The following ZDHHC15 variants were observed in gnomAD, a reference collection of about 807,000 sequenced individuals.
The protein encoded by ZDHHC15 is palmitoyltransferase ZDHHC15.
In ZDHHC15, 19 loss-of-function variants were observed where a neutral mutation model predicts 31.7. That is an observed-to-expected ratio of 0.60 (90% CI 0.42 to 0.88). The LOEUF is 0.88. Ranked by LOEUF, ZDHHC15 falls within the 40% of genes least tolerant of loss-of-function variation. The pLI is 0.00. For synonymous variants in ZDHHC15, 103 were observed against 90.0 expected (o/e 1.14, Z -0.82); for missense variants, 209 against 251.2 (o/e 0.83, Z 1.14).
chrX:75,473,890 C>T (rs1424834314), intron 3 of ZDHHC15, among the ~76,000 whole-genome samples: 3 of 111,852 alleles, frequency 2.7e-5, no homozygotes, highest in Non-Finnish European at 5.6e-5. Context: ...GTATTGTTAA[C>T]TTTATGTAAT....
chrX:75,375,771 C>A (rs1216739157), intron 11 of ZDHHC15, among the ~76,000 whole-genome samples: 2 of 112,052 alleles, frequency 1.8e-5, no homozygotes, highest in African/African-American at 6.5e-5. Context: ...TAGTATCCAT[C>A]ATATACATGT....
chrX:75,446,778 C>T (rs1445508478), intron 4 of ZDHHC15, among the ~76,000 whole-genome samples: 1 of 111,199 alleles, frequency 9.0e-6, no homozygotes, highest in Admixed American at 9.6e-5. Context: ...GGCAAAGCAG[C>T]TCTCTGGAGC....
At chrX:75,386,608 T>C (rs1014496660) in intron 10 of ZDHHC15, among the ~76,000 whole-genome samples, 2 of 110,191 alleles carry the variant, frequency 1.8e-5, no homozygotes, top group South Asian at 8.0e-4. Context: ...CCTGAGTAGC[T>C]GGGACTACAG....
At chrX:75,445,880 A>G (rs2084026697) in intron 4 of ZDHHC15, among the ~76,000 whole-genome samples, 1 of 111,295 alleles carries the variant, frequency 9.0e-6, no homozygotes, top group Non-Finnish European at 1.9e-5. Context: ...TGCCCATGGT[A>G]TTGGCCTCTC....
intron 3 of ZDHHC15, among the ~76,000 whole-genome samples, chrX:75,467,187 G>A (rs1347715735): frequency 1.8e-5 from 2 of 112,550 alleles, no homozygotes; most frequent in Admixed American, 1.9e-4. Flanking sequence ...TACCAGTTAA[G>A]ACAAAATTAT....
Position 75,379,270 on chromosome X carries a change from G to A in ZDHHC15, c.968-72C>T. On this transcript the variant is annotated intron_variant, in intron 10 of 11. Coordinates refer to ENST00000373367, the MANE Select transcript of ZDHHC15 (RefSeq NM_144969.3). ...ATGGGTGGGTATTCATTCACTGGCA[G>A]TTTTCCTTCTTGTTCAATCTCTGCA... 3 of 1,102,544 alleles carry A rather than the reference G, an allele frequency of 2.7e-6. No individual in the cohort carries two copies. The South Asian group carries it at 5.6e-5, about 21-fold the overall frequency. 90.9% of individuals were successfully genotyped at this position (1,102,544 alleles called of 1,213,427 possible).
At position 75,369,684 on chromosome X, in the gene ZDHHC15, G is replaced by A. The variant is rs1208016159; in HGVS notation, c.*3294C>T. The A allele has an allele frequency of 8.9e-6, 1 of 111,740 alleles. No individual in the cohort carries two copies. The highest frequency in any genetic ancestry group is 1.9e-5 in the Non-Finnish European group (1 of 53,197). 9.2% of individuals were successfully genotyped at this position (111,740 alleles called of 1,213,427 possible). A position where few individuals can be genotyped will look rare whatever the true frequency, so the allele number is the denominator to read the frequency against. ...GAAAAATATGTGTCACATGGGGCTA[G>A]TAGGGGAAAGAGGCACATATTGCAT... On this transcript the variant is annotated 3_prime_UTR_variant, in exon 12 of 12. Transcript: ENST00000373367.
intron 2 of ZDHHC15, among the ~76,000 whole-genome samples, chrX:75,491,565 T>G (rs1204518955): frequency 1.8e-5 from 2 of 109,040 alleles, no homozygotes; most frequent in Admixed American, 2.0e-4. Context: ...GCATGGCACA[T>G]GTATACATAT....
intron 9 of ZDHHC15, among the ~76,000 whole-genome samples, chrX:75,417,466 G>A (rs1602591269): frequency 1.8e-5 from 2 of 111,882 alleles, no homozygotes; most frequent in Middle Eastern, 9.3e-3. Flanking sequence ...TGCACACACA[G>A]CAAGCTTCAT....
At chrX:75,419,108 C>A (rs1405545054) in intron 9 of ZDHHC15, among the ~76,000 whole-genome samples, 1 of 111,372 alleles carries the variant, frequency 9.0e-6, no homozygotes, top group Non-Finnish European at 1.9e-5. Flanking sequence ...AACATATTTA[C>A]AAGAGAAAAA....
At chrX:75,437,228 C>A (rs1264812643) in intron 4 of ZDHHC15, among the ~76,000 whole-genome samples, 5 of 106,757 alleles carry the variant, frequency 4.7e-5, no homozygotes, top group Non-Finnish European at 9.7e-5. Flanking sequence ...TAGTTTAAGT[C>A]TACTGTTTCT....
chrX:75,440,539 G>A (rs1270644564), intron 4 of ZDHHC15, among the ~76,000 whole-genome samples: 6 of 112,457 alleles, frequency 5.3e-5, no homozygotes, highest in African/African-American at 9.7e-5. Context: ...CCGGCCTCCC[G>A]AAGTGCTGGG....
At chrX:75,498,376 C>T (rs777215766) in intron 2 of ZDHHC15, among the ~76,000 whole-genome samples, 2 of 111,322 alleles carry the variant, frequency 1.8e-5, no homozygotes, top group Non-Finnish European at 3.8e-5. Flanking sequence ...ATGATATGAT[C>T]GTACACCTAG....
At chrX:75,377,360 G>A (rs2083070899) in intron 11 of ZDHHC15, among the ~76,000 whole-genome samples, 1 of 110,021 alleles carries the variant, frequency 9.1e-6, no homozygotes. Context: ...AGCCGGGCGT[G>A]GTGGCACACA....
intron 10 of ZDHHC15, among the ~76,000 whole-genome samples, chrX:75,407,126 G>A (rs371825002): frequency 8.7e-4 from 97 of 111,728 alleles, no homozygotes; most frequent in Non-Finnish European, 1.6e-3. Context: ...AGTGAGGAGC[G>A]TCTCTGCCCG....
intron 2 of ZDHHC15, among the ~76,000 whole-genome samples, chrX:75,490,499 TTAAAG>T (rs1195709513): frequency 1.8e-5 from 2 of 111,441 alleles, no homozygotes; most frequent in African/African-American, 6.5e-5. Context: ...CATATGAACT[TTAAAG>T]TAGTTTTTTC....
At chrX:75,489,984 G>T (rs1178235456) in intron 2 of ZDHHC15, among the ~76,000 whole-genome samples, 2 of 111,895 alleles carry the variant, frequency 1.8e-5, no homozygotes, top group Non-Finnish European at 3.8e-5. Flanking sequence ...GGAAGAAAGG[G>T]TATCAGTGAT....
chrX:75,399,574 G>A (rs1317373204), intron 10 of ZDHHC15, among the ~76,000 whole-genome samples: 4 of 111,083 alleles, frequency 3.6e-5, no homozygotes, highest in Non-Finnish European at 1.9e-5. Flanking sequence ...AACGACCCTT[G>A]GTCACAACCA....
chrX:75,463,126 C>T (rs748510085), intron 3 of ZDHHC15, among the ~76,000 whole-genome samples: 1 of 111,424 alleles, frequency 9.0e-6, no homozygotes, highest in African/African-American at 3.3e-5. Flanking sequence ...TCAGAGAATA[C>T]TATAAAACCT....
Sources: gnomAD v4.1 joint callset for allele counts (sites outside exome capture counted in the v4.1 genomes callset) on GRCh38, gnomAD v4.1.1 for gene constraint, MANE v1.5 for transcripts, NCBI Gene and HGNC (gene_info 2026-07-23, HGNC 2026-07-21) for gene names.